Variants in ANKMY1 observed in about 807,000 individuals in gnomAD.
The protein encoded by ANKMY1 is ankyrin repeat and MYND domain containing 1, also known as ankyrin repeat and MYND domain-containing protein 1.
ANKMY1 carries 98 observed loss-of-function variants against 102.0 expected under a neutral mutation model. The ratio of observed to expected loss-of-function variants is 0.96; its 90% CI spans 0.82 to 1.14. The LOEUF is 1.14. Ranked by LOEUF, ANKMY1 falls within the 50% of genes most tolerant of loss-of-function variation. The pLI is 0.00. For missense variants in ANKMY1, 1,330 were observed against 1,347.6 expected, an observed-to-expected ratio of 0.99 and a Z score of 0.20; for synonymous variants, 582 against 559.9, an observed-to-expected ratio of 1.04 and a Z score of -0.56.
At chr2:240,476,198 C>T (rs1214101973), downstream of ANKMY1, among the ~76,000 whole-genome samples, 1 of 152,176 alleles carries the variant, frequency 6.6e-6, no homozygotes, top group African/African-American at 2.4e-5. Flanking sequence ...CACACATATG[C>T]AGCCAACTAA....
chr2:240,557,423 C>G, intron 1 of ANKMY1, 71 bp from the exon 2 acceptor site: 1 of 1,399,482 alleles, frequency 7.1e-7, no homozygotes. Flanking sequence ...CGCCCGAGGC[C>G]CGGCCCGCGG....
At chr2:240,508,328 G>T (rs970537295) in intron 12 of ANKMY1, among the ~76,000 whole-genome samples, 1 of 152,240 alleles carries the variant, frequency 6.6e-6, no homozygotes, top group African/African-American at 2.4e-5. Flanking sequence ...GCCTAGCCCT[G>T]AGCAGGGGCC....
the ANKMY1 span, among the ~76,000 whole-genome samples, chr2:240,473,383 T>G: frequency 1.4e-5 from 2 of 146,744 alleles, no homozygotes; most frequent in East Asian, 4.0e-4. Context: ...AATGACAAAA[T>G]TGAAAAATTC....
rs151332913 is a variant in ANKMY1 at position 240,486,012 on chromosome 2, C to T, written c.2807-3751G>A. Among the ~76,000 whole-genome samples, 3 of 152,266 alleles carry T rather than the reference C, an allele frequency of 2.0e-5. No homozygotes were observed. In the East Asian group the frequency reaches 5.8e-4, roughly 29 times the overall value. ...TTTCTGCCTTTTTGTGATATTATTA[C>T]ACATTACATCTATAAAGGTTATAAA... On this transcript the variant is annotated intron_variant, in intron 15 of 17. Transcript: ENST00000401804.
chr2:240,538,986 A>G (rs557839535), intron 4 of ANKMY1, among the ~76,000 whole-genome samples: 181 of 152,102 alleles, frequency 1.2e-3, no homozygotes, highest in Non-Finnish European at 2.5e-3. Context: ...GGGATTGTAA[A>G]CGCACCAATC....
At chr2:240,531,639 C>A (rs2152442268) in intron 4 of ANKMY1, among the ~76,000 whole-genome samples, 1 of 152,232 alleles carries the variant, frequency 6.6e-6, no homozygotes. Flanking sequence ...TAAAATACTA[C>A]ACCCGGTAAA....
At chr2:240,542,336 C>T (rs1439060054) in intron 4 of ANKMY1, among the ~76,000 whole-genome samples, 1 of 151,452 alleles carries the variant, frequency 6.6e-6, no homozygotes, top group African/African-American at 2.4e-5. Context: ...AAAACCCCAT[C>T]TCTACTAAAA....
chr2:240,511,730 A>T, intron 11 of ANKMY1, 131 bp downstream of exon 11: 6 of 1,228,258 alleles, frequency 4.9e-6, no homozygotes, highest in Non-Finnish European at 6.5e-6. Context: ...TTCCCTCCCC[A>T]TCCTTCCAAG....
At chr2:240,481,246 A>G (rs2075346308) in intron 16 of ANKMY1, 149 bp from the exon 17 acceptor site, 4 of 926,544 alleles carry the variant, frequency 4.3e-6, no homozygotes, top group South Asian at 2.1e-5. Flanking sequence ...GCCTTCACAC[A>G]CAGACAAAAA....
rs748517880 is a variant in ANKMY1, at chr2:240,500,078, C to T, written c.2686G>A (p.Glu896Lys). The T allele has an allele frequency of 6.2e-7, 1 of 1,611,076 alleles. No individual in the cohort carries two copies. The highest frequency in any genetic ancestry group is 8.5e-7 in the Non-Finnish European group (1 of 1,178,910). The part of the protein sequence containing the change: ...RCPFHTLMPA[E>K]RETFLARKRL... ...TTCCGCGCCAGGAACGTCTCGCGCT[C>T]TGCTGGCATCAGCGTGTGGAAGGGG... is the stretch of plus-strand genomic sequence containing the variant. Residue 896 changes from glutamate to lysine, a missense_variant, in exon 15 of 18, where the codon GAG (glutamate) becomes AAG (lysine). Transcript: ENST00000401804.
At chr2:240,483,033 G>A (rs899302960) in intron 15 of ANKMY1, among the ~76,000 whole-genome samples, 17 of 152,244 alleles carry the variant, frequency 1.1e-4, no homozygotes, top group African/African-American at 3.9e-4. Context: ...ATCATAAAAT[G>A]TCCCTCTTTC....
At chr2:240,500,206 G>C in intron 14 of ANKMY1, 83 bp from the exon 15 acceptor site, 1 of 1,446,534 alleles carries the variant, frequency 6.9e-7, no homozygotes, top group East Asian at 2.5e-5. Flanking sequence ...GAGGGCTCCT[G>C]TCAGCTCTTG....
chr2:240,538,246 G>C (rs968067200), intron 4 of ANKMY1, among the ~76,000 whole-genome samples: 1 of 152,180 alleles, frequency 6.6e-6, no homozygotes, highest in African/African-American at 2.4e-5. Context: ...GCCGAGGCCG[G>C]AGCCGGCTCC....
Position 240,481,023 on chromosome 2 carries a change from T to C in ANKMY1, c.2960A>G (p.Tyr987Cys), listed in dbSNP as rs776480329. The change falls in exon 17 of 18, where the codon TAC becomes TGC. Residue 987 changes from tyrosine to cysteine, a missense_variant. By Grantham distance (194) the Tyr-to-Cys change is radical (BLOSUM62 -2). Transcript: ENST00000401804. ...GTACTTGCTGCAGGTCAGGATCCCG[T>C]AGCAGCGAGGGCAGGGCAAGAGGCG... The part of the protein sequence containing the change: ...GVRLLPCPRC[Y>C]GILTCSKYCK... The C allele has an allele frequency of 1.9e-6, 3 of 1,613,954 alleles. No individual in the cohort carries two copies. Among genetic ancestry groups the C allele is most frequent in the South Asian group, 1.1e-5 (1 of 91,070 alleles).
chr2:240,525,683 A>G lies in ANKMY1; in HGVS notation c.1335+2T>C, dbSNP rs760366691. ...TGGTGCAGTGGCCACCGGGGGGCTT[A>G]CCTGGGGCTCAGGTATGGTCCGTTC... On this transcript the variant is annotated splice_donor_variant, in intron 7 of 17. Coordinates refer to ENST00000401804, the MANE Select transcript of ANKMY1 (RefSeq NM_001282771.3). LOFTEE classifies it high-confidence loss of function. 1.2e-5 allele frequency: 19 copies of G among 1,613,576 alleles called. No homozygotes were observed. The African/African-American group carries it at 2.5e-4, about 22-fold the overall frequency.
At chr2:240,518,153 C>A (rs2081522027) in intron 9 of ANKMY1, among the ~76,000 whole-genome samples, 1 of 152,094 alleles carries the variant, frequency 6.6e-6, no homozygotes, top group Non-Finnish European at 1.5e-5. Flanking sequence ...TCTATGGTTT[C>A]TTTTAAATAA....
intron 15 of ANKMY1, among the ~76,000 whole-genome samples, chr2:240,492,837 T>G (rs1430160927): frequency 6.6e-6 from 1 of 152,090 alleles, no homozygotes; most frequent in Non-Finnish European, 1.5e-5. Flanking sequence ...ATTACAAGCA[T>G]GCACCACCAC....
In ANKMY1 at chr2:240,555,072, A is replaced by G; in HGVS notation, c.147-17T>C. On this transcript the variant is annotated splice_polypyrimidine_tract_variant and intron_variant, in intron 2 of 17. Transcript: ENST00000401804. The stretch of plus-strand genomic sequence containing the variant: ...GAAACATCCCTAAAAGGACAGGAGC[A>G]GAAGGAGGGAAGAGTGAAGTGGCTG... 1 of 1,612,760 alleles carries G rather than the reference A, an allele frequency of 6.2e-7. No homozygotes were observed. Among genetic ancestry groups the G allele is most frequent in the Non-Finnish European group, 8.5e-7 (1 of 1,179,158 alleles).
chr2:240,539,431 A>G, intron 4 of ANKMY1, among the ~76,000 whole-genome samples: 1 of 152,206 alleles, frequency 6.6e-6, no homozygotes, highest in East Asian at 1.9e-4. Flanking sequence ...GCCAGAAGGA[A>G]GAAACTATGA....
Sources: gnomAD v4.1 joint callset for allele counts (sites outside exome capture counted in the v4.1 genomes callset) on GRCh38, gnomAD v4.1.1 for gene constraint, MANE v1.5 for transcripts, NCBI Gene and HGNC (gene_info 2026-07-23, HGNC 2026-07-21) for gene names.